Variants in MYCBP2 observed in about 807,000 individuals in gnomAD.
MYCBP2 encodes E3 ubiquitin-protein ligase MYCBP2.
Under a neutral mutation model 525.3 loss-of-function variants are expected in MYCBP2, and 120 were observed. That is an observed-to-expected ratio of 0.23 (90% CI 0.20 to 0.27). MYCBP2 has a LOEUF of 0.27. Among genes scored for constraint, MYCBP2 ranks in the 10% least tolerant of loss-of-function variants. The probability of loss-of-function intolerance (pLI) is 1.00; values close to 1 mark genes in which losing one functional copy is unlikely to be tolerated. For synonymous variants in MYCBP2, 1,894 were observed against 1,955.8 expected (o/e 0.97, Z 0.83); for missense variants, 4,149 against 5,657.1 (o/e 0.73, Z 8.55).
chr13:77,069,240 A>G (rs1277404766), intron 69 of MYCBP2, among the ~76,000 whole-genome samples: 1 of 152,252 alleles, frequency 6.6e-6, no homozygotes, highest in East Asian at 1.9e-4. Flanking sequence ...TTACAATTGA[A>G]AGCATCTAAG....
chr13:77,320,080 G>C (rs2081406994), intron 1 of MYCBP2, among the ~76,000 whole-genome samples: 2 of 152,154 alleles, frequency 1.3e-5, no homozygotes, highest in African/African-American at 4.8e-5. Flanking sequence ...CTGGTGTTGG[G>C]ATAGACTTCA....
rs2082339031 is a variant in MYCBP2 at position 77,326,542 on chromosome 13, C to T, written c.234G>A (p.Arg78=). Residue 78 remains arginine, a synonymous_variant, in exon 1 of 83, where the codon CGG becomes CGA. Coordinates refer to ENST00000544440, the MANE Select transcript of MYCBP2 (RefSeq NM_015057.5). This position sits in a 1 kb window ranked among gnomAD's most constrained non-coding sequence, Gnocchi z 4.2. ...LSGRALADRY[R]RIYTAALNDR... ...CATTGAGCGCAGCGGTATAAATCCT[C>T]CGGTAGCGGTCGGCCAGGGCCCGGC... 6.3e-7 allele frequency: 1 copy of T among 1,597,938 alleles called. No homozygotes were observed. Among genetic ancestry groups the T allele is most frequent in the African/African-American group, 1.4e-5 (1 of 72,982 alleles).
intron 62 of MYCBP2, among the ~76,000 whole-genome samples, chr13:77,087,136 A>T (rs1412837893): frequency 6.6e-6 from 1 of 152,182 alleles, no homozygotes; most frequent in East Asian, 1.9e-4. Flanking sequence ...TTAACCTAAA[A>T]TGCCATTCAC....
At chr13:77,317,098 C>T (rs1000386885) in intron 1 of MYCBP2, among the ~76,000 whole-genome samples, 13 of 152,086 alleles carry the variant, frequency 8.5e-5, no homozygotes, top group Admixed American at 5.2e-4. Context: ...TACAAGCACG[C>T]GCCAACATGC....
intron 62 of MYCBP2, 132 bp from the exon 63 acceptor site, chr13:77,083,324 A>T: frequency 2.6e-6 from 2 of 756,904 alleles, no homozygotes; most frequent in Non-Finnish European, 4.0e-6. Flanking sequence ...TTGTACCCAG[A>T]AAGATACAGT....
Position 77,190,263 on chromosome 13 carries a change from C to G in MYCBP2, c.4143G>C (p.Gln1381His). The G allele has an allele frequency of 1.3e-6, 2 of 1,597,980 alleles. No homozygotes were observed. Among genetic ancestry groups the G allele is most frequent in the Non-Finnish European group, 1.7e-6 (2 of 1,167,188 alleles). Residue 1381 changes from glutamine (Q) to histidine (H), a missense_variant, in exon 29 of 83, where the codon CAG becomes CAC. Gln to His is a conservative substitution (Grantham distance 24). Transcript: ENST00000544440. ...GTDVNAGQIP[Q>H]LLYRLPTSDG... is the part of the protein sequence containing the mutation. Reference sequence around the variant, plus strand: ...AATATGCTAAATACCTGTATAATAACTGAGGTATCTGACCCGCATTAACAT... The same window carrying G: ...AATATGCTAAATACCTGTATAATAAGTGAGGTATCTGACCCGCATTAACAT...
intron 15 of MYCBP2, among the ~76,000 whole-genome samples, chr13:77,246,167 AT>A (rs1199074205): frequency 6.6e-6 from 1 of 152,142 alleles, no homozygotes; most frequent in Non-Finnish European, 1.5e-5. Context: ...GGTTATACAG[AT>A]TTCAGAAGGT....
Position 77,164,444 on chromosome 13 carries a change from C to A in MYCBP2, c.6547+10G>T. The A allele has an allele frequency of 6.4e-7, 1 of 1,573,138 alleles. No homozygotes were observed. Among genetic ancestry groups the A allele is most frequent in the South Asian group, 1.1e-5 (1 of 90,046 alleles). On this transcript the variant is annotated intron_variant, in intron 43 of 82. Transcript: ENST00000544440. ...CCTATCAAAAAACATCCAGTATTGG[C>A]CACACTTACCAATAGGAAGTGCTAG... is the stretch of plus-strand genomic sequence containing the variant.
Position 77,044,938 on chromosome 13 carries a change from C to A in MYCBP2, c.*440G>T. ...TTTAAATAACAGTCTAGGAAATAAACCAGAATATTCCTCTTTTTATCCCCA... is the reference window on the plus strand; with the variant it reads ...TTTAAATAACAGTCTAGGAAATAAAACAGAATATTCCTCTTTTTATCCCCA... On this transcript the variant is annotated 3_prime_UTR_variant, in exon 83 of 83. Coordinates refer to ENST00000544440, the MANE Select transcript of MYCBP2 (RefSeq NM_015057.5). The A allele has an allele frequency of 2.5e-6, 1 of 399,214 alleles. No individual in the cohort carries two copies. Among genetic ancestry groups the A allele is most frequent in the Non-Finnish European group, 4.4e-6 (1 of 226,822 alleles). 24.7% of individuals were successfully genotyped at this position (399,214 alleles called of 1,614,324 possible). A position where few individuals can be genotyped will look rare whatever the true frequency, so the allele number is the denominator to read the frequency against.
chr13:77,254,197 CAG>C (rs2071741981), intron 14 of MYCBP2, among the ~76,000 whole-genome samples: 1 of 151,526 alleles, frequency 6.6e-6, no homozygotes, highest in African/African-American at 2.4e-5. Flanking sequence ...ATGTGTAAAA[CAG>C]ACATCATTAT....
At chr13:77,140,756 A>G (rs2054483386) in intron 50 of MYCBP2, 90 bp downstream of exon 50, 2 of 899,552 alleles carry the variant, frequency 2.2e-6, no homozygotes, top group Admixed American at 4.7e-5. Flanking sequence ...GAAATCAAGT[A>G]AAATGTTAGA....
At chr13:77,211,433 A>G in intron 22 of MYCBP2, 113 bp from the exon 23 acceptor site, 2 of 489,892 alleles carry the variant, frequency 4.1e-6, no homozygotes, top group Non-Finnish European at 6.0e-6. Flanking sequence ...AGAGAATAAA[A>G]GAGGCTAAGT....
In MYCBP2 at chr13:77,173,468, T is replaced by A. The variant is rs528010118; in HGVS notation, c.5651+843A>T. On this transcript the variant is annotated intron_variant, in intron 37 of 82. Coordinates refer to ENST00000544440, the MANE Select transcript of MYCBP2 (RefSeq NM_015057.5). The stretch of plus-strand genomic sequence containing the variant: ...TTGTATTTCAGCAGCAACAATGAAC[T>A]ACATAGCTATTTGCTGCCTGCTATT... Among the ~76,000 whole-genome samples the A allele has an allele frequency of 1.2e-3, 177 of 152,352 alleles. 1 individual carries two copies. Among genetic ancestry groups the A allele is most frequent in the African/African-American group, 4.2e-3 (173 of 41,586 alleles).
intron 46 of MYCBP2, among the ~76,000 whole-genome samples, chr13:77,154,355 G>A (rs1176655533): frequency 6.7e-6 from 1 of 149,766 alleles, no homozygotes; most frequent in African/African-American, 2.5e-5. Flanking sequence ...AGAAAGAAGA[G>A]GAAGAAAAGA....
At position 77,182,063 on chromosome 13, in the gene MYCBP2, T is replaced by C. The variant is rs574325301; in HGVS notation, c.4720-141A>G. 6.0e-4 allele frequency: 380 copies of C among 629,024 alleles called. 3 individuals are homozygous for C. Among genetic ancestry groups the C allele is most frequent in the African/African-American group, 6.0e-3 (329 of 54,462 alleles). 39.0% of individuals were successfully genotyped at this position (629,024 alleles called of 1,614,324 possible). ...CTCTGTCATTTAAATTGTCTTGTTA[T>C]AGAATAATACTACATCTATATATTT... is the stretch of plus-strand genomic sequence containing the variant. On this transcript the variant is annotated intron_variant, in intron 32 of 82. Transcript: ENST00000544440.
intron 62 of MYCBP2, among the ~76,000 whole-genome samples, chr13:77,085,089 A>G (rs1283416032): frequency 1.3e-5 from 2 of 152,018 alleles, no homozygotes; most frequent in Non-Finnish European, 2.9e-5. Flanking sequence ...TAATGCTGAC[A>G]CTGGCTGTTT....
intron 17 of MYCBP2, among the ~76,000 whole-genome samples, chr13:77,238,412 A>T (rs1174936578): frequency 6.6e-6 from 1 of 152,168 alleles, no homozygotes; most frequent in East Asian, 1.9e-4. Flanking sequence ...AATTTTCCTT[A>T]CGAAACAGAG....
chr13:77,287,681 T>C (rs1199934568), intron 3 of MYCBP2, among the ~76,000 whole-genome samples: 1 of 152,072 alleles, frequency 6.6e-6, no homozygotes, highest in Non-Finnish European at 1.5e-5. Flanking sequence ...GCCCTGCTAC[T>C]ACACAGCTGA....
intron 38 of MYCBP2, 23 bp downstream of exon 38, chr13:77,171,468 CT>C (rs1277020862): frequency 6.2e-7 from 1 of 1,604,350 alleles, no homozygotes. Flanking sequence ...TAAAATATGA[CT>C]ACTGAGAAAG....
Sources: gnomAD v4.1 joint callset for allele counts (sites outside exome capture counted in the v4.1 genomes callset) on GRCh38, gnomAD v4.1.1 for gene constraint, Gnocchi (gnomAD v3.1) non-coding constraint, MANE v1.5 for transcripts, NCBI Gene and HGNC (gene_info 2026-07-23, HGNC 2026-07-21) for gene names.